The following CD163L1 variants were observed in gnomAD, a reference collection of about 807,000 sequenced individuals.
The protein encoded by CD163L1 is CD163 molecule like 1, also known as scavenger receptor cysteine-rich type 1 protein M160.
CD163L1 carries 124 observed loss-of-function variants against 165.4 expected under a neutral mutation model. The ratio of observed to expected loss-of-function variants is 0.75; its 90% CI spans 0.65 to 0.87. CD163L1 has a LOEUF of 0.87. Among genes scored for constraint, CD163L1 ranks in the 40% least tolerant of loss-of-function variants. CD163L1 has a pLI of 0.00. For synonymous variants in CD163L1, 585 were observed against 662.2 expected, an observed-to-expected ratio of 0.88 and a Z score of 1.79; for missense variants, 1,525 against 1,799.9, an observed-to-expected ratio of 0.85 and a Z score of 2.76.
chr12:7,379,015 C>T lies in CD163L1; in HGVS notation c.2334G>A (p.Ala778=), dbSNP rs201306383. 6.0e-5 allele frequency: 96 copies of T among 1,611,162 alleles called. No homozygotes were observed. The highest frequency in any genetic ancestry group is 7.0e-5 in the Non-Finnish European group (83 of 1,177,432). ...DCIRWEWKQT[A]CHLNMEASLI... is the part of the protein sequence containing the mutation. ...AACTTGCTTCCATATTTAAATGACA[C>T]GCAGTCTGTTTCCACTCCCATCGTA... The change falls in exon 9 of 20, where the codon GCG becomes GCA. Residue 778 remains alanine (A), a synonymous_variant. Coordinates refer to ENST00000313599, the MANE Select transcript of CD163L1 (RefSeq NM_174941.6).
chr12:7,434,456 T>C (rs962827764), intron 2 of CD163L1, among the ~76,000 whole-genome samples: 86 of 152,160 alleles, frequency 5.7e-4, no homozygotes, highest in African/African-American at 2.0e-3. Flanking sequence ...AACCCAAATC[T>C]ACTTGTAAGC....
downstream of CD163L1, chr12:7,346,553 G>T (rs776750039): frequency 6.6e-6 from 1 of 152,200 alleles, no homozygotes; most frequent in South Asian, 2.1e-4. Context: ...TGGAATGAGA[G>T]ACTGCAACTC....
the CD163L1 span, among the ~76,000 whole-genome samples, chr12:7,339,154 C>A: frequency 6.6e-6 from 1 of 152,068 alleles, no homozygotes; most frequent in African/African-American, 2.4e-5. Context: ...CTCAATGACC[C>A]TGGACTTAGA....
At chr12:7,339,714 C>T in the CD163L1 span, among the ~76,000 whole-genome samples, 1 of 151,992 alleles carries the variant, frequency 6.6e-6, no homozygotes, top group Non-Finnish European at 1.5e-5. Context: ...ATTCTGAGCC[C>T]CCTTAACTCT....
chr12:7,327,264 G>A, the CD163L1 span, among the ~76,000 whole-genome samples: 484 of 152,166 alleles, frequency 3.2e-3, 4 homozygotes, highest in Non-Finnish European at 4.4e-3. Context: ...ATATTAGAAC[G>A]GTATAAGTGA....
chr12:7,374,803 A>G lies in CD163L1; in HGVS notation c.3094+28T>C. 6.2e-7 allele frequency: 1 copy of G among 1,614,112 alleles called. No individual in the cohort carries two copies. Among genetic ancestry groups the G allele is most frequent in the Non-Finnish European group, 8.5e-7 (1 of 1,179,996 alleles). ...AATAGGTCACATTCTTTAGAGTTGCAGTGTTTCCTAAAACTGATTCTGCTT... is the reference window on the plus strand; with the variant it reads ...AATAGGTCACATTCTTTAGAGTTGCGGTGTTTCCTAAAACTGATTCTGCTT... On this transcript the variant is annotated intron_variant, in intron 12 of 19. Coordinates refer to ENST00000313599, the MANE Select transcript of CD163L1 (RefSeq NM_174941.6). This position sits in a 1 kb window ranked among gnomAD's most constrained non-coding sequence, Gnocchi z 5.4.
chr12:7,437,121 TTTTTATTTA>T (rs1293374305), intron 2 of CD163L1, among the ~76,000 whole-genome samples: 8 of 129,468 alleles, frequency 6.2e-5, no homozygotes, highest in East Asian at 4.6e-4. Flanking sequence ...CAAATATATA[TTTTTATTTA>T]TTTTATTTAT....
At chr12:7,329,432 G>A in the CD163L1 span, among the ~76,000 whole-genome samples, 1 of 150,018 alleles carries the variant, frequency 6.7e-6, no homozygotes, top group African/African-American at 2.4e-5. Flanking sequence ...AAAATATCAG[G>A]AACTATGAAA....
chr12:7,404,600 A>G (rs570198059), intron 5 of CD163L1, among the ~76,000 whole-genome samples: 1 of 152,212 alleles, frequency 6.6e-6, no homozygotes, highest in Non-Finnish European at 1.5e-5. Flanking sequence ...TTCTTGAAAT[A>G]ATTGAGGAAA....
chr12:7,328,435 G>A, the CD163L1 span: 19 of 1,244,736 alleles, frequency 1.5e-5, no homozygotes, highest in South Asian at 6.0e-5. Flanking sequence ...TATTTGTTCC[G>A]ATAATTCAGC....
the CD163L1 span, among the ~76,000 whole-genome samples, chr12:7,341,226 T>C: frequency 0.061 from 9,319 of 152,256 alleles, 384 homozygotes; most frequent in East Asian, 0.17. Flanking sequence ...AGAAAATATC[T>C]ATTTATTTTC....
chr12:7,361,818 T>G (rs1946898426), intron 18 of CD163L1, among the ~76,000 whole-genome samples: 1 of 152,122 alleles, frequency 6.6e-6, no homozygotes, highest in Non-Finnish European at 1.5e-5. Flanking sequence ...ATGAAATACA[T>G]TCAGTTTTTT....
intron 2 of CD163L1, 90 bp downstream of exon 2, chr12:7,441,064 T>C: frequency 1.2e-6 from 1 of 854,262 alleles, no homozygotes; most frequent in Non-Finnish European, 1.9e-6. Context: ...CATGTTCTAT[T>C]TCCCTCAAAA....
chr12:7,388,445 C>A (rs1735668196), intron 8 of CD163L1, among the ~76,000 whole-genome samples: 2 of 152,030 alleles, frequency 1.3e-5, no homozygotes, highest in South Asian at 4.2e-4. Context: ...CAAATAACCC[C>A]ATTACAAAGT....
At chr12:7,332,812 C>G in the CD163L1 span, among the ~76,000 whole-genome samples, 1 of 152,186 alleles carries the variant, frequency 6.6e-6, no homozygotes, top group Non-Finnish European at 1.5e-5. Context: ...ACAACCAGTA[C>G]TAGCCACTGC....
At position 7,374,927 on chromosome 12, in the gene CD163L1, G is replaced by T; in HGVS notation, c.3002-4C>A. 6.2e-7 allele frequency: 1 copy of T among 1,614,064 alleles called. No individual in the cohort carries two copies. The highest frequency in any genetic ancestry group is 1.1e-5 in the South Asian group (1 of 91,074). On this transcript the variant is annotated splice_region_variant and splice_polypyrimidine_tract_variant and intron_variant, in intron 11 of 19. Transcript: ENST00000313599. The surrounding 1 kb of genome is among the most constrained non-coding windows in gnomAD (Gnocchi z 5.4). ...AACAGTGGCTGGGTCAGGCTTCCTG[G>T]TGGAGGGTGCAGGAAATGGGGCAAA...
At position 7,375,753 on chromosome 12, in the gene CD163L1, T is replaced by C; in HGVS notation, c.2633A>G (p.Gln878Arg). Residue 878 changes from glutamine (Q) to arginine (R), a missense_variant, in exon 10 of 20, where the codon CAA becomes CGA. Physicochemically the swap from Gln to Arg is conservative, Grantham distance 43 (BLOSUM62 1). Coordinates refer to ENST00000313599, the MANE Select transcript of CD163L1 (RefSeq NM_174941.6). ...GTGGATACAAGTGTCTTCCGGATGTTGAACAATGGGGCATAATGCAAGGTG... is the reference window on the plus strand; with the variant it reads ...GTGGATACAAGTGTCTTCCGGATGTCGAACAATGGGGCATAATGCAAGGTG... Reference protein sequence around the residue: ...ETHLALCPIVQHPEDTCIHSR... With the variant: ...ETHLALCPIVRHPEDTCIHSR... 1.9e-6 allele frequency: 3 copies of C among 1,614,226 alleles called. No individual in the cohort carries two copies. Among genetic ancestry groups the C allele is most frequent in the South Asian group, 1.1e-5 (1 of 91,088 alleles).
At chr12:7,394,609 A>G (rs1484600617) in intron 8 of CD163L1, among the ~76,000 whole-genome samples, 1 of 152,206 alleles carries the variant, frequency 6.6e-6, no homozygotes, top group East Asian at 1.9e-4. Context: ...TAATTAAACT[A>G]AAGAGCTTCT....
chr12:7,369,380 T>C lies in CD163L1; in HGVS notation c.4016A>G (p.Glu1339Gly), dbSNP rs907597065. Residue 1339 changes from glutamate to glycine, a missense_variant, in exon 15 of 20, where the codon GAA becomes GGA. Glu to Gly is a moderately conservative substitution (Grantham distance 98). Coordinates refer to ENST00000313599, the MANE Select transcript of CD163L1 (RefSeq NM_174941.6). This position sits in a 1 kb window ranked among gnomAD's most constrained non-coding sequence, Gnocchi z 4.9. ...PWGQSDCGHK[E>G]DAGVRCSGQS... ...ACCAGAGCACCTCACGCCAGCATCT[T>C]CCTTGTGTCCACAGTCACTCTGTCC... The C allele has an allele frequency of 7.4e-6, 12 of 1,614,120 alleles. No homozygotes were observed. Among genetic ancestry groups the C allele is most frequent in the Non-Finnish European group, 1.0e-5 (12 of 1,180,012 alleles).
Sources: allele counts gnomAD v4.1 joint callset (sites outside exome capture counted in the v4.1 genomes callset), GRCh38; gene constraint gnomAD v4.1.1; non-coding constraint Gnocchi (gnomAD v3.1); transcripts MANE v1.5; gene names NCBI Gene and HGNC (gene_info 2026-07-23, HGNC 2026-07-21).